The following PRORP variants were observed in gnomAD, a reference collection of about 807,000 sequenced individuals.
PRORP encodes mitochondrial ribonuclease P catalytic subunit.
PRORP carries 51 observed loss-of-function variants against 59.4 expected under a neutral mutation model. The ratio of observed to expected loss-of-function variants is 0.86; its 90% confidence interval spans 0.69 to 1.08. The LOEUF (loss-of-function observed/expected upper bound fraction) is 1.08, where lower values mean the gene tolerates loss of function less well. Ranked by LOEUF, PRORP falls within the 50% of genes least tolerant of loss-of-function variation. The probability of loss-of-function intolerance (pLI) is 0.00; values close to 1 mark genes in which losing one functional copy is unlikely to be tolerated. For synonymous variants in PRORP, 231 were observed against 245.6 expected, an observed-to-expected ratio of 0.94 and a Z score of 0.55; for missense variants, 646 against 690.3, an observed-to-expected ratio of 0.94 and a Z score of 0.72.
chr14:35,175,820 C>T (rs1317158106), intron 4 of PRORP, among the ~76,000 whole-genome samples: 1 of 152,160 alleles, frequency 6.6e-6, no homozygotes, highest in African/African-American at 2.4e-5. Flanking sequence ...TTGCCCATGC[C>T]TATGTCCTGA....
chr14:35,179,133 T>G (rs1044022719), intron 4 of PRORP, among the ~76,000 whole-genome samples: 1 of 152,252 alleles, frequency 6.6e-6, no homozygotes, highest in African/African-American at 2.4e-5. Context: ...TGGGCTTCCC[T>G]TTCTGGGGAA....
chr14:35,266,116 G>A (rs1337871971), intron 5 of PRORP, among the ~76,000 whole-genome samples: 1 of 151,852 alleles, frequency 6.6e-6, no homozygotes, highest in Non-Finnish European at 1.5e-5. Context: ...TCAGGAGTTC[G>A]AGACCAGCCT....
intron 6 of PRORP, 117 bp downstream of exon 6, chr14:35,266,992 TAA>T (rs369946634): frequency 4.4e-3 from 2,873 of 658,134 alleles, no homozygotes; most frequent in East Asian, 5.0e-3. Context: ...TCACCCTCAT[TAA>T]AAAAAAAAAA....
intron 5 of PRORP, chr14:35,262,923 A>G: frequency 6.9e-6 from 11 of 1,587,502 alleles, no homozygotes; most frequent in Non-Finnish European, 9.5e-6. Flanking sequence ...GCTTGTTTCC[A>G]ATTTAGAGGC....
intron 5 of PRORP, among the ~76,000 whole-genome samples, chr14:35,203,384 C>T (rs1023379648): frequency 2.0e-5 from 3 of 151,902 alleles, no homozygotes; most frequent in East Asian, 1.9e-4. Context: ...AAAAATTAGC[C>T]GGTGTGGTGG....
chr14:35,208,286 G>A (rs1039835659), intron 5 of PRORP, among the ~76,000 whole-genome samples: 1 of 151,802 alleles, frequency 6.6e-6, no homozygotes, highest in East Asian at 1.9e-4. Context: ...GAAATATAAT[G>A]TGGTTTTAGC....
rs142931900 is a variant in PRORP, at chr14:35,239,292, G to T, written c.1276-27435G>T. Among the ~76,000 whole-genome samples, 334 of 150,904 alleles carry T rather than the reference G, an allele frequency of 2.2e-3. 2 individuals are homozygous for T. Among genetic ancestry groups the T allele is most frequent in the African/African-American group, 8.0e-3 (326 of 40,952 alleles). ...AAAACCCAGAGGCGGAGGTTGCAAT[G>T]AGCCAAGATTGCAACACCGCACTCC... On this transcript the variant is annotated intron_variant, in intron 5 of 7. Coordinates refer to ENST00000534898, the MANE Select transcript of PRORP (RefSeq NM_014672.4).
intron 5 of PRORP, among the ~76,000 whole-genome samples, chr14:35,183,788 G>A (rs931105001): frequency 4.6e-5 from 7 of 152,100 alleles, no homozygotes; most frequent in East Asian, 1.9e-4. Flanking sequence ...CCATGAGTCC[G>A]CTAAGTGAAA....
rs549751430 is a variant in PRORP, at chr14:35,240,169, A to G, written c.1276-26558A>G. 3.5e-4 allele frequency among the ~76,000 whole-genome samples: 53 copies of G among 152,214 alleles called. No homozygotes were observed. In the South Asian group the frequency reaches 8.7e-3, roughly 25 times the overall value. On this transcript the variant is annotated intron_variant, in intron 5 of 7. Transcript: ENST00000534898. ...TGGAATTAGAGTTGGTGGTTCATCA[A>G]TCATTTCACTACCACCAAAGTTATG...
At chr14:35,233,984 A>G (rs2050144599) in intron 5 of PRORP, among the ~76,000 whole-genome samples, 1 of 152,196 alleles carries the variant, frequency 6.6e-6, no homozygotes, top group Admixed American at 6.6e-5. Flanking sequence ...AAGTTTGTTA[A>G]AGCTCAGGCT....
rs1176491028 is a variant in PRORP at position 35,188,960 on chromosome 14, A to AG, written c.1275+8183_1275+8184insG. Among the ~76,000 whole-genome samples, 127 of 139,152 alleles carry AG rather than the reference A, an allele frequency of 9.1e-4. 6 individuals carry two copies. The highest frequency in any genetic ancestry group is 1.9e-3 in the South Asian group (8 of 4,170). The allele number at this position is 139,152 out of a possible 152,430, so 91.3% of individuals were successfully genotyped here. A position where few individuals can be genotyped will look rare whatever the true frequency, so the allele number is the denominator to read the frequency against. On this transcript the variant is annotated intron_variant, in intron 5 of 7. Coordinates refer to ENST00000534898, the MANE Select transcript of PRORP (RefSeq NM_014672.4). ...TCTGTCTAAAAAAAAAAAAAAAAAAAAAAAGTATTGCCTAATCCAAGGTCA... is the reference window on the plus strand; with the variant it reads ...TCTGTCTAAAAAAAAAAAAAAAAAAAGAAAAGTATTGCCTAATCCAAGGTCA...
chr14:35,219,960 G>T (rs114907391), intron 5 of PRORP, among the ~76,000 whole-genome samples: 5 of 152,058 alleles, frequency 3.3e-5, no homozygotes, highest in East Asian at 1.9e-4. Flanking sequence ...ATTCCCTGCC[G>T]CCATCTTCTC....
chr14:35,198,815 G>A (rs996725789), intron 5 of PRORP, among the ~76,000 whole-genome samples: 5 of 151,830 alleles, frequency 3.3e-5, no homozygotes, highest in East Asian at 2.0e-4. Context: ...GGCAGATCAC[G>A]AGGTCAAGAG....
intron 4 of PRORP, among the ~76,000 whole-genome samples, chr14:35,175,777 G>A (rs1157515935): frequency 2.0e-5 from 3 of 152,180 alleles, no homozygotes; most frequent in African/African-American, 7.2e-5. Flanking sequence ...GGCTTTTGTT[G>A]CCATTGCTTT....
chr14:35,237,384 T>C (rs897282343), intron 5 of PRORP, among the ~76,000 whole-genome samples: 2 of 151,998 alleles, frequency 1.3e-5, no homozygotes, highest in Non-Finnish European at 2.9e-5. Context: ...TCAACCACTA[T>C]GCCCAGCTCT....
intron 5 of PRORP, among the ~76,000 whole-genome samples, chr14:35,246,576 G>A (rs2050491207): frequency 6.6e-6 from 1 of 152,138 alleles, no homozygotes; most frequent in African/African-American, 2.4e-5. Flanking sequence ...GTTACCACTT[G>A]TTTATCTGCT....
At chr14:35,228,583 T>C (rs1322048178) in intron 5 of PRORP, among the ~76,000 whole-genome samples, 1 of 152,246 alleles carries the variant, frequency 6.6e-6, no homozygotes, top group Non-Finnish European at 1.5e-5. Context: ...CTGTGTTAAT[T>C]TGCATAGGAT....
intron 4 of PRORP, among the ~76,000 whole-genome samples, chr14:35,146,545 C>G (rs1222061025): frequency 1.3e-5 from 2 of 152,028 alleles, no homozygotes; most frequent in East Asian, 3.9e-4. Context: ...ATCTTGTCAT[C>G]TCTAAAATGA....
rs145806790 is a variant in PRORP, at chr14:35,261,013, T to A, written c.1276-5714T>A. On this transcript the variant is annotated intron_variant, in intron 5 of 7. Transcript: ENST00000534898. ...CTATTTGTTTTATACATACACAGAC[T>A]CACACACATACACAGCATCATAATC... Among the ~76,000 whole-genome samples the A allele has an allele frequency of 1.1e-3, 169 of 152,316 alleles. 1 individual carries two copies. Among genetic ancestry groups the A allele is most frequent in the African/African-American group, 3.8e-3 (156 of 41,572 alleles).
Sources: gnomAD v4.1 joint callset for allele counts (sites outside exome capture counted in the v4.1 genomes callset) on GRCh38, gnomAD v4.1.1 for gene constraint, MANE v1.5 for transcripts, NCBI Gene and HGNC (gene_info 2026-07-23, HGNC 2026-07-21) for gene names.